CYB561D2: variants seen among roughly 807,000 people sequenced by gnomAD.
CYB561D2 encodes transmembrane reductase CYB561D2.
Under a neutral mutation model 20.2 loss-of-function variants are expected in CYB561D2, and 16 were observed. The ratio of observed to expected loss-of-function variants is 0.79; its 90% confidence interval spans 0.53 to 1.20. The LOEUF (loss-of-function observed/expected upper bound fraction) is 1.20. CYB561D2 is among the 50% of genes most tolerant of loss of function. CYB561D2 has a pLI of 0.00. For missense variants in CYB561D2, 247 were observed against 270.3 expected (o/e 0.91, Z 0.60); for synonymous variants, 135 against 128.3 (o/e 1.05, Z -0.35).
Position 50,352,046 on chromosome 3 carries a change from T to C in CYB561D2, c.165T>C (p.Ala55=), listed in dbSNP as rs75420946. 7.3e-3 allele frequency: 11,844 copies of C among 1,613,926 alleles called. 64 individuals are homozygous for C. Among genetic ancestry groups the C allele is most frequent in the South Asian group, 9.4e-3 (856 of 91,072 alleles). Residue 55 remains alanine (A), a splice_region_variant and synonymous_variant, in exon 3 of 4, where the codon GCT becomes GCC. Transcript: ENST00000425346. ...GGCACCCGGTGCTTATGTCTTTGGC[T>C]GTAAGTAGTGGGCCTGGGCAGTTCT... The part of the protein sequence containing the change: ...FSWHPVLMSL[A]FSFLMTEALL...
Position 50,354,068 on chromosome 3 carries a change from A to C in CYB561D2, c.*324A>C. On this transcript the variant is annotated 3_prime_UTR_variant, in exon 4 of 4. Coordinates refer to ENST00000425346, the MANE Select transcript of CYB561D2 (RefSeq NM_001291284.2). ...AGAAAAAAGTAAAAAATTTGTAAAAAATGACTGAAAAGATTGATGGGAGAA... is the reference window on the plus strand; with the variant it reads ...AGAAAAAAGTAAAAAATTTGTAAAACATGACTGAAAAGATTGATGGGAGAA... The C allele has an allele frequency of 4.3e-6, 1 of 231,248 alleles. No homozygotes were observed. The highest frequency in any genetic ancestry group is 1.1e-4 in the South Asian group (1 of 9,070). 14.3% of individuals were successfully genotyped at this position (231,248 alleles called of 1,614,324 possible).
chr3:50,353,364 G>A lies in CYB561D2; in HGVS notation c.289G>A (p.Ala97Thr), dbSNP rs1332085456. 2.5e-6 allele frequency: 4 copies of A among 1,613,368 alleles called. No homozygotes were observed. The highest frequency in any genetic ancestry group is 3.4e-6 in the Non-Finnish European group (4 of 1,180,028). ...WVLQLLALLC[A>T]LLGLGLVILH... ...GCTGCAGCTGCTGGCCCTGCTGTGT[G>A]CACTGCTGGGCCTCGGCCTTGTCAT... Residue 97 changes from alanine to threonine, a missense_variant, in exon 4 of 4, where the codon GCA becomes ACA. Transcript: ENST00000425346.
chr3:50,353,388 A>G lies in CYB561D2; in HGVS notation c.313A>G (p.Ile105Val), dbSNP rs1391556951. The change falls in exon 4 of 4, where the codon ATC becomes GTC. Residue 105 changes from isoleucine (I) to valine (V), a missense_variant. Transcript: ENST00000425346. ...TGCACTGCTGGGCCTCGGCCTTGTC[A>G]TCCTCCACAAAGAGCAGCTTGGCAA... ...LCALLGLGLVILHKEQLGKAH... is the reference protein window; with the variant it reads ...LCALLGLGLVVLHKEQLGKAH... 2 of 1,613,356 alleles carry G rather than the reference A, an allele frequency of 1.2e-6. No homozygotes were observed. The highest frequency in any genetic ancestry group is 2.7e-5 in the African/African-American group (2 of 74,928).
intron 3 of CYB561D2, 120 bp downstream of exon 3, chr3:50,352,166 T>C: frequency 8.4e-7 from 1 of 1,184,862 alleles, no homozygotes; most frequent in Non-Finnish European, 1.2e-6. Context: ...ATGCTCCAAC[T>C]ACTCCTGCCC....
chr3:50,351,391 A>G lies in CYB561D2; in HGVS notation c.-25-18A>G. ...CAGTGGGCACCTGAGATCCTGGCCC[A>G]CGCTACTATGCTTTCAGGCTACAAC... On this transcript the variant is annotated intron_variant, in intron 1 of 3. Transcript: ENST00000425346. 6.3e-7 allele frequency: 1 copy of G among 1,597,982 alleles called. No homozygotes were observed. The highest frequency in any genetic ancestry group is 8.6e-7 in the Non-Finnish European group (1 of 1,168,836).
In CYB561D2 at chr3:50,354,047, A is replaced by C. The variant is rs1703830157; in HGVS notation, c.*303A>C. 7.0e-6 allele frequency: 2 copies of C among 285,396 alleles called. No individual in the cohort carries two copies. The highest frequency in any genetic ancestry group is 2.2e-5 in the African/African-American group (1 of 46,264). 17.7% of individuals were successfully genotyped at this position (285,396 alleles called of 1,614,324 possible). On this transcript the variant is annotated 3_prime_UTR_variant, in exon 4 of 4. Coordinates refer to ENST00000425346, the MANE Select transcript of CYB561D2 (RefSeq NM_001291284.2). ...TATGTTCAGAAATTTTAGGAGAGAAAAAAGTAAAAAATTTGTAAAAAATGA... is the reference window on the plus strand; with the variant it reads ...TATGTTCAGAAATTTTAGGAGAGAACAAAGTAAAAAATTTGTAAAAAATGA...
Position 50,353,651 on chromosome 3 carries a change from G to A in CYB561D2, c.576G>A (p.Trp192Ter). The change falls in exon 4 of 4, where the codon TGG (tryptophan) becomes TGA (stop). Residue 192 changes from tryptophan to a stop codon, truncating the protein, a stop_gained. Transcript: ENST00000425346. LOFTEE classifies it high-confidence loss of function. ...WFTASVTGAA[W>*]YLAVLCPVLT... ...CTGCCTCTGTCACTGGTGCAGCCTG[G>A]TACCTGGCTGTATTATGCCCTGTCC... The A allele has an allele frequency of 6.8e-6, 11 of 1,613,640 alleles. No homozygotes were observed. The highest frequency in any genetic ancestry group is 9.3e-6 in the Non-Finnish European group (11 of 1,180,048).
At chr3:50,351,635 C>T (rs931454865) in intron 2 of CYB561D2, 75 bp downstream of exon 2, 31 of 1,556,268 alleles carry the variant, frequency 2.0e-5, no homozygotes, top group Non-Finnish European at 2.5e-5. Context: ...GTGGGACTTC[C>T]GGGAACAGGC....
At chr3:50,351,144 G>T (rs1264227808) in intron 1 of CYB561D2, 160 bp downstream of exon 1, 3 of 470,370 alleles carry the variant, frequency 6.4e-6, no homozygotes, top group Non-Finnish European at 1.1e-5. Flanking sequence ...CGTGGTACAC[G>T]CTGGGATTTG....
chr3:50,352,684 CAAAAAAAAA>C (rs59516380), intron 3 of CYB561D2, among the ~76,000 whole-genome samples: 1 of 45,706 alleles, frequency 2.2e-5, no homozygotes. Context: ...AGACTATCTC[CAAAAAAAAA>C]AAAAAAAAAA....
chr3:50,351,614 G>A (rs1169155090), intron 2 of CYB561D2, 54 bp downstream of exon 2: 65 of 1,581,474 alleles, frequency 4.1e-5, no homozygotes, highest in Non-Finnish European at 5.3e-5. Flanking sequence ...TGTTCCTGGG[G>A]AGGAAGGGCA....
chr3:50,353,232 T>G lies in CYB561D2; in HGVS notation c.166-9T>G. The stretch of plus-strand genomic sequence containing the variant: ...CCTCACTTGAGCTTCCCATCCCCTG[T>G]TTCCTCAGTTCTCCTTCCTGATGAC... On this transcript the variant is annotated splice_polypyrimidine_tract_variant and intron_variant, in intron 3 of 3. Coordinates refer to ENST00000425346, the MANE Select transcript of CYB561D2 (RefSeq NM_001291284.2). 6.5e-7 allele frequency: 1 copy of G among 1,545,072 alleles called. No individual in the cohort carries two copies. Among genetic ancestry groups the G allele is most frequent in the Non-Finnish European group, 8.8e-7 (1 of 1,140,772 alleles).
chr3:50,353,455 C>A lies in CYB561D2; in HGVS notation c.380C>A (p.Ala127Asp). The change falls in exon 4 of 4, where the codon GCT becomes GAT. Residue 127 changes from alanine (A) to aspartate (D), a missense_variant. Coordinates refer to ENST00000425346, the MANE Select transcript of CYB561D2 (RefSeq NM_001291284.2). ...VTRHGQAGLL[A>D]VLWAGLQCSG... ...CGGCATGGGCAGGCAGGGCTGCTGG[C>A]TGTGCTGTGGGCAGGGCTGCAGTGC... is the stretch of plus-strand genomic sequence containing the variant. The A allele has an allele frequency of 6.2e-7, 1 of 1,613,162 alleles. No individual in the cohort carries two copies. Among genetic ancestry groups the A allele is most frequent in the Non-Finnish European group, 8.5e-7 (1 of 1,179,894 alleles).
intron 3 of CYB561D2, 53 bp from the exon 4 acceptor site, chr3:50,353,188 T>TCC: frequency 6.6e-7 from 1 of 1,516,138 alleles, no homozygotes; most frequent in African/African-American, 1.4e-5. Flanking sequence ...AGCCCTCTTC[T>TCC]CCTCTTCTGG....
At position 50,353,230 on chromosome 3, in the gene CYB561D2, T is replaced by C. The variant is rs368699839; in HGVS notation, c.166-11T>C. 1.0e-4 allele frequency: 156 copies of C among 1,536,454 alleles called. No homozygotes were observed. The highest frequency in any genetic ancestry group is 6.0e-4 in the South Asian group (49 of 81,378). On this transcript the variant is annotated splice_polypyrimidine_tract_variant and intron_variant, in intron 3 of 3. Coordinates refer to ENST00000425346, the MANE Select transcript of CYB561D2 (RefSeq NM_001291284.2). ...ACCCTCACTTGAGCTTCCCATCCCCTGTTTCCTCAGTTCTCCTTCCTGATG... is the reference window on the plus strand; with the variant it reads ...ACCCTCACTTGAGCTTCCCATCCCCCGTTTCCTCAGTTCTCCTTCCTGATG...
In CYB561D2 at chr3:50,351,438, C is replaced by T. The variant is rs1428150618; in HGVS notation, c.5C>T (p.Ala2Val). Residue 2 changes from alanine (A) to valine (V), a missense_variant, in exon 2 of 4, where the codon GCC becomes GTC. Coordinates refer to ENST00000425346, the MANE Select transcript of CYB561D2 (RefSeq NM_001291284.2). ...CAACCACTAGCACGGCTGACGATGG[C>T]CCTTTCTGCGGAGACCGAGTCACAC... M[A>V]LSAETESHIY... The T allele has an allele frequency of 1.9e-6, 3 of 1,613,336 alleles. No individual in the cohort carries two copies. Among genetic ancestry groups the T allele is most frequent in the Non-Finnish European group, 2.5e-6 (3 of 1,179,734 alleles).
rs370787391 is a variant in CYB561D2, at chr3:50,351,590, A to C, written c.127+30A>C. 13 of 1,600,828 alleles carry C rather than the reference A, an allele frequency of 8.1e-6. No individual in the cohort carries two copies. In the African/African-American group the frequency reaches 1.3e-4, roughly 16 times the overall value. On this transcript the variant is annotated intron_variant, in intron 2 of 3. Transcript: ENST00000425346. Reference sequence around the variant, plus strand: ...GTAGAATTCATAGCTGACTTCTGGGAAGGGAAGGGCCACTGTTCCTGGGGA... The same window carrying C: ...GTAGAATTCATAGCTGACTTCTGGGCAGGGAAGGGCCACTGTTCCTGGGGA...
chr3:50,350,886 G>T lies in CYB561D2; in HGVS notation c.-124G>T. 1.4e-6 allele frequency: 2 copies of T among 1,400,930 alleles called. No individual in the cohort carries two copies. Among genetic ancestry groups the T allele is most frequent in the Non-Finnish European group, 1.8e-6 (2 of 1,083,560 alleles). The allele number at this position is 1,400,930 out of a possible 1,614,324, so 86.8% of individuals were successfully genotyped here. A position where few individuals can be genotyped will look rare whatever the true frequency, so the allele number is the denominator to read the frequency against. ...TAGACGTCGCACCCGGAAGTAAAGCGGCTCCGTGACGGAGCGGCGGTGCGC... is the reference window on the plus strand; with the variant it reads ...TAGACGTCGCACCCGGAAGTAAAGCTGCTCCGTGACGGAGCGGCGGTGCGC... On this transcript the variant is annotated 5_prime_UTR_variant, in exon 1 of 4. Transcript: ENST00000425346. This position sits in a 1 kb window ranked among gnomAD's most constrained non-coding sequence, Gnocchi z 5.7.
In CYB561D2 at chr3:50,352,057, G is replaced by A. The variant is rs370367265; in HGVS notation, c.165+11G>A. ...CTTATGTCTTTGGCTGTAAGTAGTG[G>A]GCCTGGGCAGTTCTTAGGGGTGGGA... On this transcript the variant is annotated intron_variant, in intron 3 of 3. Coordinates refer to ENST00000425346, the MANE Select transcript of CYB561D2 (RefSeq NM_001291284.2). The A allele has an allele frequency of 8.7e-5, 140 of 1,613,752 alleles. No homozygotes were observed. Among genetic ancestry groups the A allele is most frequent in the Non-Finnish European group, 1.1e-4 (126 of 1,179,918 alleles).
Sources: allele counts gnomAD v4.1 joint callset (sites outside exome capture counted in the v4.1 genomes callset), GRCh38; gene constraint gnomAD v4.1.1; non-coding constraint Gnocchi (gnomAD v3.1); transcripts MANE v1.5; gene names NCBI Gene and HGNC (gene_info 2026-07-23, HGNC 2026-07-21).